Variants in CUL3 observed in about 807,000 individuals in gnomAD.
CUL3 encodes cullin-3.
CUL3 carries 19 observed loss-of-function variants against 89.1 expected under a neutral mutation model. The observed-to-expected ratio is 0.21, with a 90% confidence interval of 0.15 to 0.31. CUL3 has a LOEUF of 0.31. Among genes scored for constraint, CUL3 ranks in the 10% least tolerant of loss-of-function variants. CUL3 has a pLI of 1.00. For missense variants in CUL3, 469 were observed against 942.3 expected, an observed-to-expected ratio of 0.50 and a Z score of 6.58; for synonymous variants, 351 against 308.4, an observed-to-expected ratio of 1.14 and a Z score of -1.45.
intron 2 of CUL3, among the ~76,000 whole-genome samples, chr2:224,549,184 G>A (rs953130660): frequency 6.6e-6 from 1 of 152,086 alleles, no homozygotes; most frequent in Non-Finnish European, 1.5e-5. Flanking sequence ...GAGCATGGTG[G>A]CACACGCCTG....
At chr2:224,501,026 C>T (rs1218229971) in intron 10 of CUL3, among the ~76,000 whole-genome samples, 1 of 152,174 alleles carries the variant, frequency 6.6e-6, no homozygotes, top group Non-Finnish European at 1.5e-5. Flanking sequence ...TTTAAAAACA[C>T]TGACCAAAGA....
chr2:224,482,209 C>T (rs954505253), intron 13 of CUL3, 131 bp from the exon 14 acceptor site: 3 of 609,452 alleles, frequency 4.9e-6, no homozygotes, highest in Admixed American at 7.5e-5. Context: ...AAAAAGAATT[C>T]TCTTGAGTAC....
chr2:224,536,503 T>C (rs1028751872), intron 2 of CUL3, among the ~76,000 whole-genome samples: 8 of 152,336 alleles, frequency 5.3e-5, no homozygotes, highest in African/African-American at 1.9e-4. Context: ...AATGTCTCCA[T>C]GGTGGCAGGA....
chr2:224,524,003 C>A (rs1326091002), intron 3 of CUL3, among the ~76,000 whole-genome samples: 1 of 151,980 alleles, frequency 6.6e-6, no homozygotes, highest in Non-Finnish European at 1.5e-5. Context: ...CAGCTCTGTA[C>A]AACAATGTGA....
At chr2:224,537,302 T>C (rs1693932466) in intron 2 of CUL3, among the ~76,000 whole-genome samples, 1 of 152,210 alleles carries the variant, frequency 6.6e-6, no homozygotes, top group East Asian at 1.9e-4. Context: ...AACGAGGTTA[T>C]TAGATTTAAT....
intron 2 of CUL3, among the ~76,000 whole-genome samples, chr2:224,537,813 A>C (rs1432603891): frequency 6.6e-6 from 1 of 152,176 alleles, no homozygotes; most frequent in African/African-American, 2.4e-5. Flanking sequence ...ACTACATTAA[A>C]ATCACCCTGA....
rs1691559168 is a variant in CUL3 at position 224,482,188 on chromosome 2, A to T, written c.1843-110T>A. On this transcript the variant is annotated intron_variant, in intron 13 of 15. Coordinates refer to ENST00000264414, the MANE Select transcript of CUL3 (RefSeq NM_003590.5). ...TAAAAAGAGGTAATTCCATTAAATA[A>T]ATAATGCACAAAAAAGAATTCTCTT... 7 of 720,996 alleles carry T rather than the reference A, an allele frequency of 9.7e-6. No individual in the cohort carries two copies. The South Asian group carries it at 1.4e-4, about 15-fold the overall frequency. 44.7% of individuals were successfully genotyped at this position (720,996 alleles called of 1,614,324 possible).
In CUL3 at chr2:224,564,685, C is replaced by T. The variant is rs116170890; in HGVS notation, c.67-6829G>A. Among the ~76,000 whole-genome samples the T allele has an allele frequency of 1.9e-3, 288 of 152,256 alleles. 3 individuals carry two copies. Among genetic ancestry groups the T allele is most frequent in the African/African-American group, 6.1e-3 (254 of 41,538 alleles). On this transcript the variant is annotated intron_variant, in intron 1 of 15. Coordinates refer to ENST00000264414, the MANE Select transcript of CUL3 (RefSeq NM_003590.5). ...TGTGGATGGGGTGGGGACTTCTGTACTGGCATTTACATTAGTGGCTCCCAA... is the reference window on the plus strand; with the variant it reads ...TGTGGATGGGGTGGGGACTTCTGTATTGGCATTTACATTAGTGGCTCCCAA...
Position 224,495,865 on chromosome 2 carries a change from C to A in CUL3, c.1809G>T (p.Met603Ile), listed in dbSNP as rs2106179670. 1 of 1,612,358 alleles carries A rather than the reference C, an allele frequency of 6.2e-7. No homozygotes were observed. Among genetic ancestry groups the A allele is most frequent in the African/African-American group, 1.3e-5 (1 of 74,970 alleles). The change falls in exon 13 of 16, where the codon ATG (methionine) becomes ATT (isoleucine). Residue 603 changes from methionine (M) to isoleucine (I), a missense_variant. This residue lies in a region of CUL3 where 370 missense variants were observed against 733.2 expected (regional missense o/e 0.50). Transcript: ENST00000264414. Reference sequence around the variant, plus strand: ...TGTATTTTTCTCTATTATTAAAGAGCATTAATATGGTCATCTGGAAAGTGG... The same window carrying A: ...TGTATTTTTCTCTATTATTAAAGAGAATTAATATGGTCATCTGGAAAGTGG... ...QVSTFQMTIL[M>I]LFNNREKYTF...
chr2:224,539,283 GC>G (rs1468807755), intron 2 of CUL3, among the ~76,000 whole-genome samples: 1 of 152,118 alleles, frequency 6.6e-6, no homozygotes, highest in African/African-American at 2.4e-5. Context: ...TTTGAGAATG[GC>G]CAAAACATTG....
intron 1 of CUL3, among the ~76,000 whole-genome samples, chr2:224,561,219 T>C (rs1694891543): frequency 6.6e-6 from 1 of 152,200 alleles, no homozygotes; most frequent in African/African-American, 2.4e-5. Flanking sequence ...AAACAGTATA[T>C]GGCACATAAC....
At chr2:224,506,798 T>A (rs980146970) in intron 7 of CUL3, 60 bp downstream of exon 7, 226 of 1,552,486 alleles carry the variant, frequency 1.5e-4, no homozygotes, top group Non-Finnish European at 1.9e-4. Context: ...AAAGTGGCCT[T>A]TTTAGCACTT....
chr2:224,479,433 G>T (rs926197378), intron 14 of CUL3: 17 of 151,416 alleles, frequency 1.1e-4, no homozygotes, highest in African/African-American at 4.1e-4. Context: ...TTGATGTCAT[G>T]AAAAAATAAA....
intron 13 of CUL3, 42 bp from the exon 14 acceptor site, chr2:224,482,120 ATTAAAG>A (rs1397872737): frequency 2.6e-6 from 4 of 1,514,522 alleles, no homozygotes; most frequent in Non-Finnish European, 3.6e-6. Context: ...TTTTTGAAAG[ATTAAAG>A]TTAGTTAATT....
chr2:224,541,301 A>G (rs1017415244), intron 2 of CUL3, among the ~76,000 whole-genome samples: 3 of 152,332 alleles, frequency 2.0e-5, no homozygotes, highest in Non-Finnish European at 4.4e-5. Flanking sequence ...ACACTTCACC[A>G]AAGAGGATAT....
In CUL3 at chr2:224,478,273, T is replaced by A. The variant is rs886055695; in HGVS notation, c.2102A>T (p.His701Leu). ...CCGCACTATAGCAGCTTCTATCTCA[T>A]GTTTTCTGTCGTCGTCTACTTTCTG... ...TRQKVDDDRK[H>L]EIEAAIVRIM... The change falls in exon 15 of 16, where the codon CAT becomes CTT. Residue 701 changes from histidine to leucine, a missense_variant. By Grantham distance (99) the His-to-Leu change is moderately conservative. Coordinates refer to ENST00000264414, the MANE Select transcript of CUL3 (RefSeq NM_003590.5). 5.6e-6 allele frequency: 9 copies of A among 1,613,878 alleles called. No homozygotes were observed. The highest frequency in any genetic ancestry group is 7.6e-6 in the Non-Finnish European group (9 of 1,179,846).
intron 1 of CUL3, among the ~76,000 whole-genome samples, chr2:224,571,235 C>G (rs1290045371): frequency 1.3e-5 from 2 of 152,058 alleles, no homozygotes; most frequent in Admixed American, 6.5e-5. Context: ...TACAGACCCT[C>G]TATATTAAGA....
chr2:224,538,501 T>C (rs1163874483), intron 2 of CUL3, among the ~76,000 whole-genome samples: 1 of 152,158 alleles, frequency 6.6e-6, no homozygotes, highest in Non-Finnish European at 1.5e-5. Context: ...GGGATAACAT[T>C]GTTAATCTCA....
At chr2:224,558,898 A>G (rs1694815126) in intron 1 of CUL3, among the ~76,000 whole-genome samples, 1 of 117,504 alleles carries the variant, frequency 8.5e-6, no homozygotes, top group Admixed American at 8.5e-5. Context: ...TAAATATACA[A>G]AAAAAAGATT....
Sources: allele counts gnomAD v4.1 joint callset (sites outside exome capture counted in the v4.1 genomes callset), GRCh38; gene constraint gnomAD v4.1.1; regional missense constraint gnomAD v4.1.1; transcripts MANE v1.5; gene names NCBI Gene and HGNC (gene_info 2026-07-23, HGNC 2026-07-21).